The following YAF2 variants were observed in gnomAD, a reference collection of about 807,000 sequenced individuals.
YAF2 encodes the protein YY1-associated factor 2.
Under a neutral mutation model 20.1 loss-of-function variants are expected in YAF2, and 7 were observed. That is an observed-to-expected ratio of 0.35 (90% CI 0.20 to 0.65). The LOEUF (loss-of-function observed/expected upper bound fraction) is 0.65. Among genes scored for constraint, YAF2 ranks in the 30% least tolerant of loss-of-function variants. YAF2 has a pLI of 0.69. For synonymous variants in YAF2, 74 were observed against 76.0 expected (o/e 0.97, Z 0.14); for missense variants, 151 against 219.2 (o/e 0.69, Z 1.96).
At chr12:42,220,766 T>C (rs533827554) in intron 2 of YAF2, among the ~76,000 whole-genome samples, 2 of 152,284 alleles carry the variant, frequency 1.3e-5, no homozygotes, top group South Asian at 4.1e-4. Context: ...AAAGATGAAA[T>C]TGTTTAATTC....
At chr12:42,199,217 G>A in intron 2 of YAF2, 3 of 1,289,148 alleles carry the variant, frequency 2.3e-6, no homozygotes, top group Non-Finnish European at 3.0e-6. Context: ...ATGGTAACCA[G>A]GCTCTCTTCC....
At chr12:42,214,468 T>C (rs1470798303) in intron 2 of YAF2, among the ~76,000 whole-genome samples, 3 of 151,768 alleles carry the variant, frequency 2.0e-5, no homozygotes, top group Admixed American at 2.0e-4. Context: ...GATGGGGTTT[T>C]GCCACGTTGC....
At chr12:42,185,703 T>C (rs1308007286) in intron 2 of YAF2, among the ~76,000 whole-genome samples, 2 of 152,230 alleles carry the variant, frequency 1.3e-5, no homozygotes, top group East Asian at 3.8e-4. Flanking sequence ...TTTAGCTATA[T>C]TTTAAATTAA....
chr12:42,162,044 T>A (rs2065810450), intron 2 of YAF2, among the ~76,000 whole-genome samples: 1 of 152,172 alleles, frequency 6.6e-6, no homozygotes, highest in Non-Finnish European at 1.5e-5. Context: ...AAGAAATTAT[T>A]TTAAATGTAT....
intron 2 of YAF2, among the ~76,000 whole-genome samples, chr12:42,208,098 T>C (rs2137209046): frequency 6.6e-6 from 1 of 152,200 alleles, no homozygotes; most frequent in African/African-American, 2.4e-5. Flanking sequence ...AAAAATAAAA[T>C]AATAAATTTT....
intron 2 of YAF2, chr12:42,210,814 T>C: frequency 1.3e-6 from 1 of 747,292 alleles, no homozygotes; most frequent in East Asian, 2.9e-5. Context: ...TTGCTAAATA[T>C]AATGTCAGTG....
intron 2 of YAF2, among the ~76,000 whole-genome samples, chr12:42,214,279 T>C (rs2067291173): frequency 6.6e-6 from 1 of 152,186 alleles, no homozygotes; most frequent in Admixed American, 6.5e-5. Context: ...TACCTCCTCT[T>C]ATCCTTTCCT....
chr12:42,165,783 T>G (rs932509137), intron 2 of YAF2, among the ~76,000 whole-genome samples: 4 of 149,396 alleles, frequency 2.7e-5, no homozygotes, highest in African/African-American at 4.9e-5. Flanking sequence ...GTTTTTTTTT[T>G]TTTTTTTTTT....
intron 2 of YAF2, among the ~76,000 whole-genome samples, chr12:42,167,699 A>C (rs2065947726): frequency 6.6e-6 from 1 of 152,244 alleles, no homozygotes; most frequent in African/African-American, 2.4e-5. Flanking sequence ...GAAATTCAAT[A>C]AACGAAAAGC....
At chr12:42,182,701 G>A (rs1450512483) in intron 2 of YAF2, among the ~76,000 whole-genome samples, 2 of 152,130 alleles carry the variant, frequency 1.3e-5, no homozygotes. Context: ...TTTTTCCACA[G>A]AAAGAAAACA....
intron 2 of YAF2, among the ~76,000 whole-genome samples, chr12:42,186,754 T>G (rs557967588): frequency 8.5e-5 from 13 of 152,292 alleles, no homozygotes; most frequent in Non-Finnish European, 8.8e-5. Flanking sequence ...AGATTAGTAT[T>G]AAATTTGCCA....
chr12:42,188,899 G>T (rs941123711), intron 2 of YAF2, among the ~76,000 whole-genome samples: 1 of 152,168 alleles, frequency 6.6e-6, no homozygotes, highest in Non-Finnish European at 1.5e-5. Context: ...TCTCAATTTG[G>T]TAGGGAAAAC....
chr12:42,200,166 C>T (rs560181383), intron 2 of YAF2, among the ~76,000 whole-genome samples: 7 of 152,268 alleles, frequency 4.6e-5, no homozygotes, highest in African/African-American at 1.2e-4. Flanking sequence ...CTGGTAGTTT[C>T]GTAAAATAAT....
chr12:42,223,331 T>TACACACAC (rs71434396), intron 2 of YAF2, among the ~76,000 whole-genome samples: 10 of 148,114 alleles, frequency 6.8e-5, no homozygotes, highest in African/African-American at 2.2e-4. Context: ...TTAAAATACA[T>TACACACAC]ACACACACAC....
chr12:42,233,520 T>G (rs2068043300), intron 2 of YAF2: 1 of 977,988 alleles, frequency 1.0e-6, no homozygotes, highest in Non-Finnish European at 1.2e-6. Context: ...ACTCAGAATT[T>G]TGTTTTTTTG....
chr12:42,236,031 G>T (rs756060529), intron 2 of YAF2: 1 of 1,533,758 alleles, frequency 6.5e-7, no homozygotes, highest in Admixed American at 2.0e-5. Flanking sequence ...TCTAGTTTCA[G>T]TATTTTTCTA....
Position 42,160,675 on chromosome 12 carries a change from A to G in YAF2, c.457T>C (p.Ser153Pro), listed in dbSNP as rs1213982266. The change falls in exon 4 of 4, where the codon TCT becomes CCT. Residue 153 changes from serine to proline, a missense_variant. This residue lies in a region of YAF2 where 51 missense variants were observed against 48.9 expected (regional missense o/e 1.04). Transcript: ENST00000534854. ...ASADQHSQSG[S>P]SSDNTERGMS... is the part of the protein sequence containing the mutation. Reference sequence around the variant, plus strand: ...CCTCTCTCTGTGTTATCAGAGCTAGAGCCGCTTTGACTGTGTTGATCTGCA... The same window carrying G: ...CCTCTCTCTGTGTTATCAGAGCTAGGGCCGCTTTGACTGTGTTGATCTGCA... 1 of 1,613,892 alleles carries G rather than the reference A, an allele frequency of 6.2e-7. No homozygotes were observed. The highest frequency in any genetic ancestry group is 1.3e-5 in the African/African-American group (1 of 75,044).
At chr12:42,181,436 C>T (rs2066339103) in intron 2 of YAF2, among the ~76,000 whole-genome samples, 1 of 152,182 alleles carries the variant, frequency 6.6e-6, no homozygotes, top group South Asian at 2.1e-4. Context: ...CTTTTACCAG[C>T]CAGAGCTGTT....
chr12:42,201,380 G>A (rs1409874015), intron 2 of YAF2, among the ~76,000 whole-genome samples: 1 of 152,172 alleles, frequency 6.6e-6, no homozygotes, highest in African/African-American at 2.4e-5. Context: ...ATGAGACTAA[G>A]CATCTTTTCA....
Sources: gnomAD v4.1 joint callset for allele counts (sites outside exome capture counted in the v4.1 genomes callset) on GRCh38, gnomAD v4.1.1 for gene constraint, gnomAD v4.1.1 regional missense constraint, MANE v1.5 for transcripts, NCBI Gene and HGNC (gene_info 2026-07-23, HGNC 2026-07-21) for gene names.